Variants in DCHS2 observed in about 807,000 individuals in gnomAD.
DCHS2 encodes protocadherin-23.
A neutral mutation model predicts 182.4 loss-of-function variants in DCHS2; 142 were observed. That is an observed-to-expected ratio of 0.78 (90% confidence interval 0.68 to 0.89). The LOEUF is 0.89. DCHS2 is among the 40% of genes least tolerant of loss of function. The pLI, the probability that DCHS2 is intolerant of heterozygous loss-of-function variation, is 0.00. For missense variants in DCHS2, 4,319 were observed against 4,198.6 expected (o/e 1.03, Z -0.79); for synonymous variants, 1,740 against 1,663.3 (o/e 1.05, Z -1.12).
At chr4:154,346,579 C>T (rs550981366) in intron 3 of DCHS2, among the ~76,000 whole-genome samples, 1 of 152,000 alleles carries the variant, frequency 6.6e-6, no homozygotes, top group East Asian at 1.9e-4. Flanking sequence ...TACCTAATTG[C>T]CCATTTAATA....
chr4:154,291,455 A>T (rs1734656970), intron 13 of DCHS2, among the ~76,000 whole-genome samples: 1 of 152,204 alleles, frequency 6.6e-6, no homozygotes, highest in African/African-American at 2.4e-5. Flanking sequence ...TTATATACTT[A>T]AAAGAGAGAA....
chr4:154,377,542 C>T, intron 1 of DCHS2, 98 bp from the exon 2 acceptor site: 1 of 913,210 alleles, frequency 1.1e-6, no homozygotes, highest in Non-Finnish European at 1.6e-6. Context: ...CCACATAACC[C>T]CCATAGCTAT....
intron 19 of DCHS2, among the ~76,000 whole-genome samples, chr4:154,238,380 C>A (rs1303746591): frequency 6.6e-6 from 1 of 152,146 alleles, no homozygotes; most frequent in Non-Finnish European, 1.5e-5. Flanking sequence ...TGAAATGATG[C>A]AATGGTGGAT....
At chr4:154,380,183 A>G (rs922165142) in intron 1 of DCHS2, among the ~76,000 whole-genome samples, 1 of 152,088 alleles carries the variant, frequency 6.6e-6, no homozygotes, top group African/African-American at 2.4e-5. Flanking sequence ...TTAATTGTCT[A>G]TTTCTTAAAC....
Position 154,489,748 on chromosome 4 carries a change from T to C in DCHS2, c.1608A>G (p.Pro536=). The change falls in exon 1 of 20, where the codon CCA becomes CCG. Residue 536 remains proline (P), a synonymous_variant. Coordinates refer to ENST00000357232, the MANE Select transcript of DCHS2 (RefSeq NM_001358235.2). ...TGTAATGCTGTTGGCTGAAGAGAGGTGGTTGGTCATTGAGGTCAGCGACCC... is the reference window on the plus strand; with the variant it reads ...TGTAATGCTGTTGGCTGAAGAGAGGCGGTTGGTCATTGAGGTCAGCGACCC... ...LLRVADLNDQ[P]PLFSQQHYKA... 1.3e-6 allele frequency: 2 copies of C among 1,550,488 alleles called. No homozygotes were observed. The highest frequency in any genetic ancestry group is 2.5e-5 in the East Asian group (1 of 40,778).
chr4:154,348,566 C>T (rs1422381871), intron 3 of DCHS2, among the ~76,000 whole-genome samples: 1 of 151,814 alleles, frequency 6.6e-6, no homozygotes. Context: ...GGAAATTATC[C>T]TGGTTTTAAG....
Position 154,332,991 on chromosome 4 carries a change from T to C in DCHS2, c.3217A>G (p.Ile1073Val), listed in dbSNP as rs1385163104. The change falls in exon 5 of 20, where the codon ATC becomes GTC. Residue 1073 changes from isoleucine to valine, a missense_variant. Ile to Val is a conservative substitution (Grantham distance 29). Transcript: ENST00000357232. ...QAALLVLTVV[I>V]EKREHSPSWT... ...GATGGGCTGTGTTCGCGTTTCTCGA[T>C]AACGACTGTCAGCACCAGCAGGGCT... The C allele has an allele frequency of 5.6e-6, 9 of 1,614,056 alleles. No individual in the cohort carries two copies. The highest frequency in any genetic ancestry group is 7.6e-6 in the Non-Finnish European group (9 of 1,180,026).
intron 1 of DCHS2, among the ~76,000 whole-genome samples, chr4:154,417,034 C>A (rs537060384): frequency 2.0e-5 from 3 of 152,156 alleles, no homozygotes; most frequent in Non-Finnish European, 4.4e-5. Flanking sequence ...CACTATTTTA[C>A]TAGGAGCTGC....
intron 13 of DCHS2, among the ~76,000 whole-genome samples, chr4:154,285,565 G>A (rs1454777537): frequency 6.6e-6 from 1 of 152,162 alleles, no homozygotes; most frequent in Non-Finnish European, 1.5e-5. Flanking sequence ...GATTCCTTTG[G>A]CCTTGAGTGA....
At chr4:154,392,251 T>C (rs959695673) in intron 1 of DCHS2, among the ~76,000 whole-genome samples, 2 of 152,142 alleles carry the variant, frequency 1.3e-5, no homozygotes, top group Non-Finnish European at 2.9e-5. Flanking sequence ...TGGGAATGAG[T>C]ATCATAATTC....
At chr4:154,420,261 A>AC (rs1367129040) in intron 1 of DCHS2, among the ~76,000 whole-genome samples, 4 of 148,356 alleles carry the variant, frequency 2.7e-5, no homozygotes, top group Non-Finnish European at 4.5e-5. Context: ...AGATAGATAG[A>AC]TAGATAGATA....
rs1170096142 is a variant in DCHS2, at chr4:154,335,022, C to T, written c.2559G>A (p.Gly853=). The T allele has an allele frequency of 6.2e-6, 10 of 1,614,020 alleles. No individual in the cohort carries two copies. Among genetic ancestry groups the T allele is most frequent in the Middle Eastern group, 1.6e-4 (1 of 6,062 alleles). Residue 853 remains glycine, a synonymous_variant, in exon 4 of 20, where the codon GGG becomes GGA. Transcript: ENST00000357232. ...SLMVSAQDGG[G]LTAVINADVT... is the part of the protein sequence containing the mutation. Reference sequence around the variant, plus strand: ...CATCGGCATTAATGACAGCTGTGAGCCCACCACCGTCTTGAGCAGAGACCA... The same window carrying T: ...CATCGGCATTAATGACAGCTGTGAGTCCACCACCGTCTTGAGCAGAGACCA...
At chr4:154,470,059 G>A (rs1237525878) in intron 1 of DCHS2, among the ~76,000 whole-genome samples, 2 of 152,166 alleles carry the variant, frequency 1.3e-5, no homozygotes, top group African/African-American at 2.4e-5. Flanking sequence ...GTAGTGGGTG[G>A]TGAATAAACA....
In DCHS2 at chr4:154,490,078, G is replaced by A. The variant is rs757659612; in HGVS notation, c.1278C>T (p.Val426=). ...LFLTEGGVAR[V]SEGARPGDYV... ...AGTCGCCCGGTCGGGCGCCTTCAGA[G>A]ACACGGGCGACGCCTCCCTCTGTGA... Residue 426 remains valine (V), a synonymous_variant, in exon 1 of 20, where the codon GTC becomes GTT. Transcript: ENST00000357232. 1 of 1,549,638 alleles carries A rather than the reference G, an allele frequency of 6.5e-7. No individual in the cohort carries two copies.
chr4:154,367,217 G>T (rs936313522), intron 2 of DCHS2, among the ~76,000 whole-genome samples: 4 of 152,166 alleles, frequency 2.6e-5, no homozygotes, highest in Non-Finnish European at 5.9e-5. Context: ...GGAGGGCTTT[G>T]AGCACAAGAG....
chr4:154,484,445 T>C (rs1728505040), intron 1 of DCHS2, among the ~76,000 whole-genome samples: 2 of 152,200 alleles, frequency 1.3e-5, no homozygotes, highest in African/African-American at 2.4e-5. Context: ...CAAACACTGA[T>C]ATCTCCCATG....
chr4:154,262,694 T>C (rs1372624830), intron 14 of DCHS2, among the ~76,000 whole-genome samples: 1 of 152,232 alleles, frequency 6.6e-6, no homozygotes, highest in African/African-American at 2.4e-5. Flanking sequence ...AATTATATAC[T>C]GTGTACATGC....
intron 1 of DCHS2, among the ~76,000 whole-genome samples, chr4:154,485,631 A>C (rs1217800337): frequency 6.6e-6 from 1 of 152,256 alleles, no homozygotes; most frequent in African/African-American, 2.4e-5. Context: ...ATATTCAATA[A>C]GTATTTGTTG....
At chr4:154,385,414 T>C (rs985541512) in intron 1 of DCHS2, among the ~76,000 whole-genome samples, 4 of 152,130 alleles carry the variant, frequency 2.6e-5, no homozygotes, top group African/African-American at 9.7e-5. Context: ...TAGCAGCATG[T>C]TTATAATCCT....
Sources: gnomAD v4.1 joint callset for allele counts (sites outside exome capture counted in the v4.1 genomes callset) on GRCh38, gnomAD v4.1.1 for gene constraint, MANE v1.5 for transcripts, NCBI Gene and HGNC (gene_info 2026-07-23, HGNC 2026-07-21) for gene names.